The following OPCML variants were observed in gnomAD, a reference collection of about 807,000 sequenced individuals.
OPCML encodes opioid-binding protein/cell adhesion molecule.
OPCML carries 13 observed loss-of-function variants against 37.8 expected under a neutral mutation model. The observed-to-expected ratio is 0.34, with a 90% confidence interval of 0.22 to 0.55. OPCML has a LOEUF of 0.55. Ranked by LOEUF, OPCML falls within the 20% of genes least tolerant of loss-of-function variation. The probability of loss-of-function intolerance (pLI) is 0.91; values close to 1 mark genes in which losing one functional copy is unlikely to be tolerated. For missense variants in OPCML, 341 were observed against 435.6 expected, an observed-to-expected ratio of 0.78 and a Z score of 1.93; for synonymous variants, 176 against 168.8, an observed-to-expected ratio of 1.04 and a Z score of -0.33.
At chr11:133,256,037 G>T (rs1941301970) in intron 1 of OPCML, among the ~76,000 whole-genome samples, 1 of 152,120 alleles carries the variant, frequency 6.6e-6, no homozygotes, top group South Asian at 2.1e-4. Flanking sequence ...TGCTACAAAG[G>T]CGGCTAAGGC....
intron 1 of OPCML, among the ~76,000 whole-genome samples, chr11:132,984,214 A>C (rs879506767): frequency 1.3e-5 from 2 of 152,252 alleles, no homozygotes; most frequent in Non-Finnish European, 2.9e-5. Context: ...CTGCTGAGAC[A>C]TAAGACAACT....
At chr11:133,407,122 A>T (rs1179473891) in intron 1 of OPCML, among the ~76,000 whole-genome samples, 1 of 152,188 alleles carries the variant, frequency 6.6e-6, no homozygotes, top group Non-Finnish European at 1.5e-5. Context: ...CATCCACATG[A>T]CCACTTCAAA....
chr11:132,437,190 C>A, intron 5 of OPCML, 32 bp downstream of exon 5: 1 of 1,606,270 alleles, frequency 6.2e-7, no homozygotes, highest in East Asian at 2.2e-5. Context: ...GCCGTCTTTT[C>A]CCCAGAACCC....
chr11:133,369,239 T>G (rs780400781), intron 1 of OPCML, among the ~76,000 whole-genome samples: 41 of 152,256 alleles, frequency 2.7e-4, no homozygotes, highest in Admixed American at 1.3e-4. Flanking sequence ...TATCATGTTA[T>G]GCATAGAAAT....
Position 132,418,787 on chromosome 11 carries a change from C to A in OPCML, c.*1406G>T, listed in dbSNP as rs2095947331. 2 of 152,506 alleles carry A rather than the reference C, an allele frequency of 1.3e-5. No homozygotes were observed. The highest frequency in any genetic ancestry group is 4.8e-5 in the African/African-American group (2 of 41,458). The allele number at this position is 152,506 out of a possible 1,614,324, so 9.4% of individuals were successfully genotyped here. On this transcript the variant is annotated 3_prime_UTR_variant, in exon 8 of 8. Coordinates refer to ENST00000524381, the MANE Select transcript of OPCML (RefSeq NM_001012393.5). ...GACAGATGTGTTTTTCTCTCAAGTT[C>A]TTGCTGCTAAGGAAAGCCAGCCATA... is the stretch of plus-strand genomic sequence containing the variant.
intron 1 of OPCML, among the ~76,000 whole-genome samples, chr11:133,479,809 G>A (rs919880812): frequency 3.3e-5 from 5 of 152,124 alleles, no homozygotes; most frequent in African/African-American, 1.2e-4. Flanking sequence ...TATATCTTTG[G>A]AATCCACCCC....
At chr11:132,993,804 C>A (rs1946826473) in intron 1 of OPCML, among the ~76,000 whole-genome samples, 1 of 152,166 alleles carries the variant, frequency 6.6e-6, no homozygotes, top group Non-Finnish European at 1.5e-5. Flanking sequence ...CATTGACAGG[C>A]CACTGACAAC....
At chr11:133,038,035 C>A (rs1462122392) in intron 1 of OPCML, among the ~76,000 whole-genome samples, 2 of 152,230 alleles carry the variant, frequency 1.3e-5, no homozygotes, top group East Asian at 3.9e-4. Flanking sequence ...TGTTAAACTG[C>A]AAGTTTTAGC....
At chr11:133,409,039 A>G (rs138874006) in intron 1 of OPCML, among the ~76,000 whole-genome samples, 7 of 152,324 alleles carry the variant, frequency 4.6e-5, no homozygotes, top group Middle Eastern at 3.4e-3. Context: ...AGACAGAAGC[A>G]GTCCCTCGTG....
At chr11:132,578,865 A>G (rs535518898) in intron 3 of OPCML, among the ~76,000 whole-genome samples, 2 of 152,276 alleles carry the variant, frequency 1.3e-5, no homozygotes, top group South Asian at 4.1e-4. Context: ...AAATAATATG[A>G]TAGCAAAGTC....
intron 1 of OPCML, among the ~76,000 whole-genome samples, chr11:133,373,503 T>TA (rs1238857069): frequency 1.4e-5 from 2 of 148,116 alleles, no homozygotes; most frequent in Non-Finnish European, 1.5e-5. Flanking sequence ...TACACTCCTG[T>TA]AGTCTCAACT....
intron 1 of OPCML, among the ~76,000 whole-genome samples, chr11:133,036,742 A>G (rs1412538782): frequency 6.6e-6 from 1 of 152,270 alleles, no homozygotes; most frequent in Non-Finnish European, 1.5e-5. Flanking sequence ...TACAAAGTTG[A>G]CATTGATTCA....
At position 132,724,702 on chromosome 11, in the gene OPCML, G is replaced by A. The variant is rs140580123; in HGVS notation, c.147-67383C>T. On this transcript the variant is annotated intron_variant, in intron 2 of 7. Transcript: ENST00000524381. ...GCAAGTTCCTTCTGCCTACAAGCCT[G>A]TAAAATCAAAAGCAAGTTAGTTACT... Among the ~76,000 whole-genome samples the A allele has an allele frequency of 5.9e-3, 899 of 152,256 alleles. 11 individuals are homozygous for A. The highest frequency in any genetic ancestry group is 0.021 in the African/African-American group (861 of 41,536).
At chr11:133,294,222 C>T (rs537972687) in intron 1 of OPCML, among the ~76,000 whole-genome samples, 194 of 152,040 alleles carry the variant, frequency 1.3e-3, no homozygotes, top group Non-Finnish European at 1.9e-3. Flanking sequence ...CAGAGGCAAA[C>T]GGGCACATGC....
At chr11:132,497,745 C>T (rs1187281548) in intron 4 of OPCML, among the ~76,000 whole-genome samples, 3 of 152,114 alleles carry the variant, frequency 2.0e-5, no homozygotes, top group Non-Finnish European at 4.4e-5. Flanking sequence ...GGAAGGTGAC[C>T]AGGCCAGGTG....
At chr11:133,288,012 G>A (rs1942354641) in intron 1 of OPCML, among the ~76,000 whole-genome samples, 1 of 152,144 alleles carries the variant, frequency 6.6e-6, no homozygotes, top group Admixed American at 6.5e-5. Context: ...CTCTACTCCA[G>A]TTTAGCTCTT....
intron 4 of OPCML, among the ~76,000 whole-genome samples, chr11:132,489,638 G>A (rs2096209783): frequency 6.6e-6 from 1 of 151,976 alleles, no homozygotes; most frequent in Non-Finnish European, 1.5e-5. Flanking sequence ...AGGATCCTAT[G>A]GGACCACCGT....
chr11:133,477,835 T>G (rs994448768), intron 1 of OPCML, among the ~76,000 whole-genome samples: 2 of 152,194 alleles, frequency 1.3e-5, no homozygotes, highest in African/African-American at 4.8e-5. Context: ...CTTCAGAGAC[T>G]GAAAAGACAG....
chr11:132,608,624 C>T (rs1039021182), intron 3 of OPCML, among the ~76,000 whole-genome samples: 17 of 152,074 alleles, frequency 1.1e-4, no homozygotes, highest in African/African-American at 4.1e-4. Flanking sequence ...ATGATTATGT[C>T]GCTCTTTGCA....
Sources: allele counts gnomAD v4.1 joint callset (sites outside exome capture counted in the v4.1 genomes callset), GRCh38; gene constraint gnomAD v4.1.1; transcripts MANE v1.5; gene names NCBI Gene and HGNC (gene_info 2026-07-23, HGNC 2026-07-21).